The following MAPRE2 variants were observed in gnomAD, a reference collection of about 807,000 sequenced individuals.
The protein encoded by MAPRE2 is microtubule-associated protein RP/EB family member 2.
In MAPRE2, 13 loss-of-function variants were observed where a neutral mutation model predicts 43.2. That is an observed-to-expected ratio of 0.30 (90% CI 0.20 to 0.48). MAPRE2 has a LOEUF of 0.48. Among genes scored for constraint, MAPRE2 ranks in the 20% least tolerant of loss-of-function variants. The pLI is 0.99. For missense variants in MAPRE2, 161 were observed against 400.2 expected (o/e 0.40, Z 5.10); for synonymous variants, 135 against 148.8 (o/e 0.91, Z 0.68).
At chr18:35,136,641 G>GA (rs1198607761) in intron 6 of MAPRE2, among the ~76,000 whole-genome samples, 1 of 152,220 alleles carries the variant, frequency 6.6e-6, no homozygotes, top group Non-Finnish European at 1.5e-5. Context: ...AAGCAGAGAA[G>GA]AAAGACCAGC....
At chr18:35,055,052 T>C (rs1222559502) in intron 1 of MAPRE2, among the ~76,000 whole-genome samples, 1 of 152,162 alleles carries the variant, frequency 6.6e-6, no homozygotes, top group Non-Finnish European at 1.5e-5. Context: ...GAAGAAAATA[T>C]GAAAAAAGTT....
intron 4 of MAPRE2, among the ~76,000 whole-genome samples, chr18:35,113,846 C>A (rs1195910053): frequency 6.6e-6 from 1 of 152,158 alleles, no homozygotes; most frequent in Non-Finnish European, 1.5e-5. Context: ...GAGCCATGTT[C>A]ATGCCACTAC....
chr18:35,065,684 G>A (rs1015368632), intron 1 of MAPRE2, among the ~76,000 whole-genome samples: 1 of 152,026 alleles, frequency 6.6e-6, no homozygotes, highest in African/African-American at 2.4e-5. Flanking sequence ...CTCCCTAGTA[G>A]CTGGGACTAC....
At chr18:35,078,463 A>G (rs756413863) in intron 2 of MAPRE2, among the ~76,000 whole-genome samples, 1 of 152,052 alleles carries the variant, frequency 6.6e-6, no homozygotes, top group Non-Finnish European at 1.5e-5. Flanking sequence ...GTGTGTTTTT[A>G]TATGTATTAT....
intron 2 of MAPRE2, among the ~76,000 whole-genome samples, chr18:35,031,958 A>T (rs2097048057): frequency 6.6e-6 from 1 of 152,196 alleles, no homozygotes; most frequent in Admixed American, 6.5e-5. Context: ...AAGAACTAAT[A>T]AAATCTTCCT....
At chr18:35,101,175 A>AT (rs1908660544) in intron 3 of MAPRE2, among the ~76,000 whole-genome samples, 1 of 152,248 alleles carries the variant, frequency 6.6e-6, no homozygotes, top group African/African-American at 2.4e-5. Flanking sequence ...AACTAAGGAT[A>AT]TTCCTTTTGT....
At chr18:35,108,386 G>A (rs1199913415) in intron 4 of MAPRE2, among the ~76,000 whole-genome samples, 2 of 152,148 alleles carry the variant, frequency 1.3e-5, no homozygotes, top group Admixed American at 6.5e-5. Context: ...GGGCATTTGG[G>A]TTGGTTCCAT....
intron 4 of MAPRE2, among the ~76,000 whole-genome samples, chr18:35,117,437 T>C (rs1217101535): frequency 6.6e-6 from 1 of 152,252 alleles, no homozygotes; most frequent in Non-Finnish European, 1.5e-5. Context: ...GACTGGAGTC[T>C]AAAGGACAAG....
intron 1 of MAPRE2, among the ~76,000 whole-genome samples, chr18:35,046,023 C>T (rs565174196): frequency 1.3e-5 from 2 of 152,260 alleles, no homozygotes; most frequent in East Asian, 3.9e-4. Context: ...AGTGCATTAT[C>T]TTAGAGCAGT....
chr18:35,108,682 A>G (rs1197476976), intron 4 of MAPRE2, among the ~76,000 whole-genome samples: 1 of 150,102 alleles, frequency 6.7e-6, no homozygotes, highest in Non-Finnish European at 1.5e-5. Flanking sequence ...GTGAGATGGC[A>G]TCTCATTGTG....
chr18:35,081,521 C>CT (rs1907629605), intron 2 of MAPRE2, among the ~76,000 whole-genome samples: 1 of 152,156 alleles, frequency 6.6e-6, no homozygotes, highest in Admixed American at 6.5e-5. Context: ...GGACGGGACT[C>CT]TTTTCAGGGA....
At chr18:35,121,439 A>G (rs1218888997) in intron 4 of MAPRE2, among the ~76,000 whole-genome samples, 1 of 152,230 alleles carries the variant, frequency 6.6e-6, no homozygotes, top group Non-Finnish European at 1.5e-5. Flanking sequence ...AGAGAATTAC[A>G]GGGACTTAGA....
chr18:35,005,680 G>A (rs1270783750), intron 2 of MAPRE2: 19 of 494,454 alleles, frequency 3.8e-5, no homozygotes, highest in Non-Finnish European at 6.4e-5. Context: ...CGATATTTGA[G>A]TAAATATGCT....
At chr18:35,048,097 C>T (rs1905727773) in intron 1 of MAPRE2, among the ~76,000 whole-genome samples, 1 of 152,186 alleles carries the variant, frequency 6.6e-6, no homozygotes, top group South Asian at 2.1e-4. Flanking sequence ...AGCATCTGCT[C>T]AGCTTCTGGG....
At chr18:35,101,894 G>A in intron 3 of MAPRE2, 52 bp from the exon 4 acceptor site, 1 of 1,311,730 alleles carries the variant, frequency 7.6e-7, no homozygotes, top group East Asian at 2.4e-5. Flanking sequence ...TTTCTTTTGG[G>A]TATATACCCA....
intron 2 of MAPRE2, among the ~76,000 whole-genome samples, chr18:35,017,241 GTTGTTTTTT>G (rs1183816705): frequency 1.9e-5 from 1 of 51,492 alleles, no homozygotes; most frequent in African/African-American, 6.6e-5. Flanking sequence ...CTCCGGTTTT[GTTGTTTTTT>G]TTTTTTTTTT....
intron 2 of MAPRE2, among the ~76,000 whole-genome samples, chr18:35,083,457 G>A (rs979860127): frequency 1.1e-4 from 17 of 152,184 alleles, no homozygotes; most frequent in African/African-American, 4.1e-4. Context: ...CCTCTATCTG[G>A]AATGTCAAAT....
chr18:35,018,627 T>C (rs2097039995), intron 2 of MAPRE2, among the ~76,000 whole-genome samples: 1 of 152,044 alleles, frequency 6.6e-6, no homozygotes, highest in Non-Finnish European at 1.5e-5. Flanking sequence ...ATGTTCATAA[T>C]AGCCTCTGAG....
At chr18:35,119,863 G>C (rs774316305) in intron 4 of MAPRE2, among the ~76,000 whole-genome samples, 8 of 152,268 alleles carry the variant, frequency 5.3e-5, no homozygotes, top group Non-Finnish European at 1.0e-4. Context: ...GTTTTTAGTA[G>C]TATCTAGAAA....
Sources: gnomAD v4.1 joint callset for allele counts (sites outside exome capture counted in the v4.1 genomes callset) on GRCh38, gnomAD v4.1.1 for gene constraint, MANE v1.5 for transcripts, NCBI Gene and HGNC (gene_info 2026-07-23, HGNC 2026-07-21) for gene names.